The following PLEKHH2 variants were observed in gnomAD, a reference collection of about 807,000 sequenced individuals.
PLEKHH2 encodes pleckstrin homology, MyTH4 and FERM domain containing H2.
A neutral mutation model predicts 187.9 loss-of-function variants in PLEKHH2; 129 were observed. That is an observed-to-expected ratio of 0.69 (90% confidence interval 0.59 to 0.79). The LOEUF (loss-of-function observed/expected upper bound fraction) is 0.79, where lower values mean the gene tolerates loss of function less well. Among genes scored for constraint, PLEKHH2 ranks in the 30% least tolerant of loss-of-function variants. PLEKHH2 has a pLI of 0.00. For synonymous variants in PLEKHH2, 686 were observed against 605.6 expected (o/e 1.13, Z -1.95); for missense variants, 2,076 against 1,751.2 (o/e 1.19, Z -3.31).
At chr2:43,645,048 A>G (rs946690148) in intron 2 of PLEKHH2, among the ~76,000 whole-genome samples, 3 of 152,138 alleles carry the variant, frequency 2.0e-5, no homozygotes, top group Admixed American at 2.0e-4. Flanking sequence ...CATTCCAGAG[A>G]GAAAGCTATA....
chr2:43,703,914 GTCTTTTTT>G, intron 8 of PLEKHH2, 59 bp from the exon 9 acceptor site: 1 of 652,112 alleles, frequency 1.5e-6, no homozygotes, highest in Non-Finnish European at 2.4e-6. Flanking sequence ...ATTGAAAGTA[GTCTTTTTT>G]TTTTTTTTTT....
chr2:43,759,168 A>C, intron 27 of PLEKHH2, 139 bp downstream of exon 27: 1 of 1,311,838 alleles, frequency 7.6e-7, no homozygotes, highest in Admixed American at 2.7e-5. Context: ...ATGAAGAGAC[A>C]CTAGAGAAAG....
At chr2:43,731,136 G>A (rs1175654023) in intron 18 of PLEKHH2, among the ~76,000 whole-genome samples, 1 of 152,176 alleles carries the variant, frequency 6.6e-6, no homozygotes, top group Non-Finnish European at 1.5e-5. Context: ...GAGGGAAAGG[G>A]TGGGAAGGGG....
chr2:43,670,987 A>T (rs1373676497), intron 2 of PLEKHH2, among the ~76,000 whole-genome samples: 4 of 147,812 alleles, frequency 2.7e-5, no homozygotes, highest in Non-Finnish European at 6.0e-5. Context: ...ATTTTTTTTT[A>T]ACTTTTTTTT....
intron 2 of PLEKHH2, among the ~76,000 whole-genome samples, chr2:43,648,434 G>A (rs551555246): frequency 3.3e-5 from 5 of 151,842 alleles, no homozygotes; most frequent in Admixed American, 6.6e-5. Flanking sequence ...TGATCCGCCC[G>A]CCTTAGCCTC....
rs563140716 is a variant in PLEKHH2, at chr2:43,741,011, C to T, written c.3189C>T (p.Leu1063=). Residue 1063 remains leucine (L), a synonymous_variant, in exon 21 of 30, where the codon CTC becomes CTT. Coordinates refer to ENST00000282406, the MANE Select transcript of PLEKHH2 (RefSeq NM_172069.4). ...CCCATCATCCTTTCCTGTGGCTCCT[C>T]AGGCTTCACCTAAAGAGGAATGCAG... is the stretch of plus-strand genomic sequence containing the variant. ...FLPHHPFLWL[L]RLHLKRNADS... 8.7e-6 allele frequency: 14 copies of T among 1,613,910 alleles called. No homozygotes were observed. In the South Asian group the frequency reaches 1.3e-4, roughly 15 times the overall value.
At chr2:43,648,690 C>T (rs551756513) in intron 2 of PLEKHH2, among the ~76,000 whole-genome samples, 1 of 151,914 alleles carries the variant, frequency 6.6e-6, no homozygotes, top group Non-Finnish European at 1.5e-5. Context: ...AAGTGATTCT[C>T]CCACCTCAGC....
At position 43,766,477 on chromosome 2, in the gene PLEKHH2, A is replaced by C. The variant is rs539277279; in HGVS notation, c.*879A>C. 1 of 152,882 alleles carries C rather than the reference A, an allele frequency of 6.5e-6. No homozygotes were observed. The highest frequency in any genetic ancestry group is 6.5e-5 in the Admixed American group (1 of 15,304). The allele number at this position is 152,882 out of a possible 1,614,324, so 9.5% of individuals were successfully genotyped here. A position where few individuals can be genotyped will look rare whatever the true frequency, so the allele number is the denominator to read the frequency against. ...CCTACACATACATACATATGTATGC[A>C]CAGATAGGGTCTTGCTATGTTGCCC... On this transcript the variant is annotated 3_prime_UTR_variant, in exon 30 of 30. Transcript: ENST00000282406.
At chr2:43,650,400 T>A (rs1415563838) in intron 2 of PLEKHH2, among the ~76,000 whole-genome samples, 1 of 152,032 alleles carries the variant, frequency 6.6e-6, no homozygotes, top group Non-Finnish European at 1.5e-5. Flanking sequence ...CCCAAAGTGC[T>A]GGGATTACAG....
At chr2:43,658,188 A>T (rs1373372108) in intron 2 of PLEKHH2, among the ~76,000 whole-genome samples, 1 of 152,194 alleles carries the variant, frequency 6.6e-6, no homozygotes, top group Non-Finnish European at 1.5e-5. Flanking sequence ...TAATTGTGCT[A>T]TTCCTATTTA....
chr2:43,741,891 T>A (rs1331047899), intron 21 of PLEKHH2, among the ~76,000 whole-genome samples: 1 of 152,220 alleles, frequency 6.6e-6, no homozygotes, highest in East Asian at 1.9e-4. Context: ...AAGATTTCTA[T>A]CCAACTTTTA....
intron 2 of PLEKHH2, among the ~76,000 whole-genome samples, chr2:43,672,948 C>G (rs1448769369): frequency 6.6e-6 from 1 of 152,200 alleles, no homozygotes; most frequent in Non-Finnish European, 1.5e-5. Context: ...TTGCAACATT[C>G]ATTACTGCTT....
intron 17 of PLEKHH2, among the ~76,000 whole-genome samples, chr2:43,726,808 A>G (rs974456325): frequency 1.7e-4 from 26 of 152,180 alleles, no homozygotes; most frequent in Admixed American, 1.7e-3. Context: ...GATACAGTAG[A>G]AAATTAATTA....
At chr2:43,739,702 G>T (rs144489571) in intron 20 of PLEKHH2, among the ~76,000 whole-genome samples, 418 of 152,272 alleles carry the variant, frequency 2.7e-3, no homozygotes, top group African/African-American at 9.6e-3. Context: ...CCACTGGCCC[G>T]CTCTTTCTCC....
intron 3 of PLEKHH2, chr2:43,692,309 T>C (rs1668838541): frequency 1.5e-5 from 6 of 399,266 alleles, no homozygotes; most frequent in Non-Finnish European, 1.8e-5. Context: ...GAATTTCTTA[T>C]GTTTGTATGT....
Position 43,766,456 on chromosome 2 carries a change from C to CACAT in PLEKHH2, c.*868_*871dup, listed in dbSNP as rs1395083576. ...TTATAGTTTGAAAATAGATTCCCTA[C>CACAT]ACATACATACATATGTATGCACAGA... On this transcript the variant is annotated 3_prime_UTR_variant, in exon 30 of 30. Coordinates refer to ENST00000282406, the MANE Select transcript of PLEKHH2 (RefSeq NM_172069.4). The CACAT allele has an allele frequency of 6.6e-6, 1 of 152,656 alleles. No individual in the cohort carries two copies. The highest frequency in any genetic ancestry group is 2.4e-5 in the African/African-American group (1 of 41,436). 9.5% of individuals were successfully genotyped at this position (152,656 alleles called of 1,614,324 possible).
intron 8 of PLEKHH2, 36 bp downstream of exon 8, chr2:43,700,644 G>GT (rs747374494): frequency 1.5e-5 from 24 of 1,553,628 alleles, no homozygotes; most frequent in Non-Finnish European, 2.1e-5. Flanking sequence ...ATACGCAGTA[G>GT]TTTTTTTCTC....
At chr2:43,696,139 T>TA (rs541277951) in intron 6 of PLEKHH2, among the ~76,000 whole-genome samples, 2 of 151,822 alleles carry the variant, frequency 1.3e-5, no homozygotes, top group African/African-American at 4.8e-5. Flanking sequence ...TTGGTCTATT[T>TA]AAAAAAAACA....
In PLEKHH2 at chr2:43,717,391, C is replaced by G. The variant is rs115880966; in HGVS notation, c.2461-3278C>G. ...CAAGATTGTGCCACTGTGCTTCAGA[C>G]TGGGCAACTGAGTGAGACTCCACCT... On this transcript the variant is annotated intron_variant, in intron 15 of 29. Transcript: ENST00000282406. 7.1e-3 allele frequency among the ~76,000 whole-genome samples: 1,073 copies of G among 151,494 alleles called. 14 individuals are homozygous for G. Among genetic ancestry groups the G allele is most frequent in the African/African-American group, 0.025 (1,026 of 41,126 alleles).
Sources: gnomAD v4.1 joint callset for allele counts (sites outside exome capture counted in the v4.1 genomes callset) on GRCh38, gnomAD v4.1.1 for gene constraint, MANE v1.5 for transcripts, NCBI Gene and HGNC (gene_info 2026-07-23, HGNC 2026-07-21) for gene names.